Variants in NTM observed in about 807,000 individuals in gnomAD.
The protein encoded by NTM is IgLON family member 2.
A neutral mutation model predicts 42.1 loss-of-function variants in NTM; 13 were observed. The observed-to-expected ratio is 0.31, with a 90% confidence interval of 0.20 to 0.49. The LOEUF (loss-of-function observed/expected upper bound fraction) is 0.49, where lower values mean the gene tolerates loss of function less well. NTM is among the 20% of genes least tolerant of loss of function. The probability of loss-of-function intolerance (pLI) is 0.99; values close to 1 mark genes in which losing one functional copy is unlikely to be tolerated. For synonymous variants in NTM, 187 were observed against 179.2 expected (o/e 1.04, Z -0.35); for missense variants, 373 against 452.8 (o/e 0.82, Z 1.60).
chr11:132,220,058 G>A (rs933272807), intron 4 of NTM, among the ~76,000 whole-genome samples: 3 of 152,180 alleles, frequency 2.0e-5, no homozygotes, highest in African/African-American at 7.2e-5. Context: ...AATTGCCATT[G>A]CAAAAGATAT....
At chr11:131,737,145 T>C (rs778564816) in intron 1 of NTM, among the ~76,000 whole-genome samples, 1 of 152,216 alleles carries the variant, frequency 6.6e-6, no homozygotes, top group Non-Finnish European at 1.5e-5. Flanking sequence ...CTGATGGATC[T>C]GGCATCTTGT....
At chr11:132,244,564 C>G (rs147847356) in intron 4 of NTM, among the ~76,000 whole-genome samples, 31 of 152,346 alleles carry the variant, frequency 2.0e-4, no homozygotes, top group African/African-American at 7.2e-4. Flanking sequence ...CTTTATCTCT[C>G]TCTGGCTCTA....
chr11:131,704,695 G>T (rs1213734748), intron 1 of NTM, among the ~76,000 whole-genome samples: 1 of 152,278 alleles, frequency 6.6e-6, no homozygotes, highest in South Asian at 2.1e-4. Flanking sequence ...TTAAAGAAGT[G>T]CAGTGAGCTA....
chr11:132,217,545 C>G (rs1222627757), intron 4 of NTM, among the ~76,000 whole-genome samples: 1 of 151,992 alleles, frequency 6.6e-6, no homozygotes, highest in Non-Finnish European at 1.5e-5. Context: ...ACCCTGGGGG[C>G]AGAATTAGAG....
chr11:131,727,126 T>C (rs2135448397), intron 1 of NTM, among the ~76,000 whole-genome samples: 1 of 151,416 alleles, frequency 6.6e-6, no homozygotes, highest in East Asian at 1.9e-4. Flanking sequence ...CTTTATGGGA[T>C]TTGCATTTTC....
At chr11:132,101,556 T>TGTG (rs1555261897) in intron 2 of NTM, among the ~76,000 whole-genome samples, 22,653 of 131,022 alleles carry the variant, frequency 0.17, 2,002 homozygotes, top group African/African-American at 0.25. Context: ...GAACACAACC[T>TGTG]TGTGTGTGTG....
chr11:131,394,985 C>T (rs1194021614), intron 1 of NTM, among the ~76,000 whole-genome samples: 1 of 152,196 alleles, frequency 6.6e-6, no homozygotes, highest in Non-Finnish European at 1.5e-5. Context: ...GTGAGCCTAA[C>T]AGCTGGGGTG....
At chr11:132,318,093 A>G (rs1375337810) in intron 7 of NTM, among the ~76,000 whole-genome samples, 1 of 152,158 alleles carries the variant, frequency 6.6e-6, no homozygotes, top group African/African-American at 2.4e-5. Flanking sequence ...GATAATTCAG[A>G]TATTCTGTCA....
rs182217558 is a variant in NTM at position 131,791,495 on chromosome 11, A to G, written c.83-120069A>G. On this transcript the variant is annotated intron_variant, in intron 1 of 8. Transcript: ENST00000683400. ...ACAACTTATAAATTTTCCTAACTGA[A>G]TACAACTATGTAACTACCACCCAGG... Among the ~76,000 whole-genome samples the G allele has an allele frequency of 2.0e-3, 302 of 152,322 alleles. 3 individuals carry two copies. Among genetic ancestry groups the G allele is most frequent in the African/African-American group, 6.7e-3 (278 of 41,570 alleles).
At chr11:131,598,404 G>A (rs537935766) in intron 1 of NTM, among the ~76,000 whole-genome samples, 4 of 152,288 alleles carry the variant, frequency 2.6e-5, no homozygotes, top group South Asian at 2.1e-4. Flanking sequence ...TGTACTACAC[G>A]CTTGTCTTTC....
At chr11:132,034,301 C>T (rs964596173) in intron 2 of NTM, among the ~76,000 whole-genome samples, 2 of 152,142 alleles carry the variant, frequency 1.3e-5, no homozygotes, top group Non-Finnish European at 2.9e-5. Context: ...TCCTGCCTGC[C>T]CAGAGATCAC....
chr11:131,842,375 G>T (rs541842646), intron 1 of NTM, among the ~76,000 whole-genome samples: 1 of 152,266 alleles, frequency 6.6e-6, no homozygotes, highest in South Asian at 2.1e-4. Flanking sequence ...TGTGTGTCCT[G>T]GTTCCACAGA....
At chr11:131,950,594 G>A (rs1267500877) in intron 2 of NTM, among the ~76,000 whole-genome samples, 2 of 152,110 alleles carry the variant, frequency 1.3e-5, no homozygotes, top group Non-Finnish European at 2.9e-5. Flanking sequence ...TCTTGACTCC[G>A]CTTGGCCAAT....
At chr11:132,217,661 A>G (rs1048298291) in intron 4 of NTM, among the ~76,000 whole-genome samples, 1 of 151,928 alleles carries the variant, frequency 6.6e-6, no homozygotes, top group Non-Finnish European at 1.5e-5. Context: ...CTCCATACCA[A>G]CAGGGCTCAG....
rs1021921873 is a variant in NTM at position 132,010,588 on chromosome 11, G to T, written c.167+98940G>T. 4.1e-5 allele frequency among the ~76,000 whole-genome samples: 6 copies of T among 148,144 alleles called. No individual in the cohort carries two copies. In the Admixed American group the frequency reaches 4.1e-4, roughly 10 times the overall value. ...GTCCTGTCTTATCTTGGCATTTGAA[G>T]CTCTTTATTAAGTGACCATTTCTAC... On this transcript the variant is annotated intron_variant, in intron 2 of 8. Coordinates refer to ENST00000683400, the MANE Select transcript of NTM (RefSeq NM_001352005.2).
chr11:131,371,381 T>A (rs376971907), intron 1 of NTM, among the ~76,000 whole-genome samples: 1 of 152,044 alleles, frequency 6.6e-6, no homozygotes, highest in Admixed American at 6.5e-5. Context: ...TCCTGTGAGG[T>A]TCTGGTCAGC....
chr11:132,054,212 C>G (rs1015881695), intron 2 of NTM, among the ~76,000 whole-genome samples: 3 of 152,144 alleles, frequency 2.0e-5, no homozygotes, highest in African/African-American at 7.2e-5. Context: ...GAGACTGTCT[C>G]AAAGAAAAAC....
At chr11:131,800,279 T>G (rs1484466690) in intron 1 of NTM, among the ~76,000 whole-genome samples, 2 of 152,242 alleles carry the variant, frequency 1.3e-5, no homozygotes, top group Non-Finnish European at 2.9e-5. Flanking sequence ...AAGTGGAGTT[T>G]CCCATTTTAC....
rs191574444 is a variant in NTM at position 131,411,453 on chromosome 11, A to G, written c.82+40565A>G. The stretch of plus-strand genomic sequence containing the variant: ...AAGGTAAGATGAGAAAGAGGAGAAA[A>G]AGGCTTCCGGATTGAGGTGATTTTA... On this transcript the variant is annotated intron_variant, in intron 1 of 8. Coordinates refer to ENST00000683400, the MANE Select transcript of NTM (RefSeq NM_001352005.2). Among the ~76,000 whole-genome samples, 317 of 152,096 alleles carry G rather than the reference A, an allele frequency of 2.1e-3. 2 individuals are homozygous for G. The highest frequency in any genetic ancestry group is 7.5e-3 in the African/African-American group (310 of 41,484).
Sources: gnomAD v4.1 joint callset for allele counts (sites outside exome capture counted in the v4.1 genomes callset) on GRCh38, gnomAD v4.1.1 for gene constraint, MANE v1.5 for transcripts, NCBI Gene and HGNC (gene_info 2026-07-23, HGNC 2026-07-21) for gene names.